Variants in ADGRV1 observed in about 807,000 individuals in gnomAD.
The protein encoded by ADGRV1 is adhesion G protein-coupled receptor V1, also known as G-protein coupled receptor 98.
Under a neutral mutation model 596.2 loss-of-function variants are expected in ADGRV1, and 359 were observed. That is an observed-to-expected ratio of 0.60 (90% CI 0.55 to 0.66). The LOEUF is 0.66. ADGRV1 is among the 30% of genes least tolerant of loss of function. The pLI is 0.00. For missense variants in ADGRV1, 7,274 were observed against 7,575.6 expected (o/e 0.96, Z 1.48); for synonymous variants, 2,681 against 2,679.2 (o/e 1.00, Z -0.02).
chr5:91,126,299 A>G (rs201424440), intron 87 of ADGRV1, among the ~76,000 whole-genome samples: 222 of 152,360 alleles, frequency 1.5e-3, no homozygotes, highest in African/African-American at 5.2e-3. Flanking sequence ...ACCGGTGTTA[A>G]CACCTCAACC....
intron 48 of ADGRV1, among the ~76,000 whole-genome samples, chr5:90,726,837 G>A (rs1051358556): frequency 6.6e-6 from 1 of 152,066 alleles, no homozygotes; most frequent in Non-Finnish European, 1.5e-5. Flanking sequence ...TTAAATATCA[G>A]CAATAGGCTA....
intron 85 of ADGRV1, among the ~76,000 whole-genome samples, chr5:90,997,992 T>G (rs965532150): frequency 2.0e-5 from 3 of 152,190 alleles, no homozygotes; most frequent in African/African-American, 7.2e-5. Context: ...ATGTAAACAA[T>G]CAGACAAGCC....
intron 59 of ADGRV1, among the ~76,000 whole-genome samples, chr5:90,771,574 G>A (rs748904733): frequency 2.0e-5 from 3 of 152,000 alleles, no homozygotes; most frequent in African/African-American, 4.8e-5. Flanking sequence ...TACATCATAG[G>A]ATAAAAATTA....
At chr5:90,743,162 A>T (rs1293117522) in intron 50 of ADGRV1, among the ~76,000 whole-genome samples, 1 of 152,200 alleles carries the variant, frequency 6.6e-6, no homozygotes, top group African/African-American at 2.4e-5. Context: ...AGATGTTGAG[A>T]TGCCCCTGAA....
chr5:90,904,412 T>C (rs961510148), intron 83 of ADGRV1, among the ~76,000 whole-genome samples: 4 of 152,080 alleles, frequency 2.6e-5, no homozygotes, highest in African/African-American at 9.7e-5. Context: ...CTCCACATCA[T>C]CATCAGCATT....
Position 91,164,190 on chromosome 5 carries a change from T to A in ADGRV1, c.*290T>A, listed in dbSNP as rs1797184259. On this transcript the variant is annotated 3_prime_UTR_variant, in exon 90 of 90. Transcript: ENST00000405460. ...TATGGCTAACATTGTTTAATGAAAG[T>A]AATAATCAATAAAGCAATAGAATCT... The A allele has an allele frequency of 2.4e-6, 1 of 419,818 alleles. No individual in the cohort carries two copies. The highest frequency in any genetic ancestry group is 4.5e-6 in the Non-Finnish European group (1 of 222,970). The allele number at this position is 419,818 out of a possible 1,614,324, so 26.0% of individuals were successfully genotyped here.
At chr5:90,602,006 A>G (rs906426307) in intron 1 of ADGRV1, among the ~76,000 whole-genome samples, 2 of 152,236 alleles carry the variant, frequency 1.3e-5, no homozygotes, top group Non-Finnish European at 2.9e-5. Flanking sequence ...GAACGTAGAC[A>G]CATGATTTCA....
At chr5:91,085,664 A>T (rs182847674) in intron 86 of ADGRV1, among the ~76,000 whole-genome samples, 1 of 152,164 alleles carries the variant, frequency 6.6e-6, no homozygotes, top group African/African-American at 2.4e-5. Context: ...TGTGCCTTTC[A>T]TCTGTTTTTC....
At chr5:90,765,533 G>A (rs142070686) in intron 59 of ADGRV1, among the ~76,000 whole-genome samples, 1,667 of 150,702 alleles carry the variant, frequency 0.011, 24 homozygotes, top group African/African-American at 0.038. Flanking sequence ...ATTGATATAC[G>A]TATTTTCAGA....
chr5:90,714,083 C>T (rs530736117), intron 42 of ADGRV1, among the ~76,000 whole-genome samples: 3 of 152,046 alleles, frequency 2.0e-5, no homozygotes, highest in African/African-American at 4.8e-5. Flanking sequence ...AGGACTCATC[C>T]GTTGCCTTCT....
intron 64 of ADGRV1, 130 bp downstream of exon 64, chr5:90,779,227 A>C (rs1382401549): frequency 8.9e-6 from 5 of 564,682 alleles, no homozygotes; most frequent in Non-Finnish European, 1.6e-5. Flanking sequence ...TTTGTGTGAC[A>C]TTAGAACAGG....
chr5:90,587,206 T>C (rs1758865598), intron 1 of ADGRV1, among the ~76,000 whole-genome samples: 1 of 152,218 alleles, frequency 6.6e-6, no homozygotes, highest in Admixed American at 6.5e-5. Context: ...AACGCTTTCA[T>C]GTTTCTCTTG....
chr5:90,915,289 G>T (rs1005245332), intron 83 of ADGRV1, among the ~76,000 whole-genome samples: 1 of 152,148 alleles, frequency 6.6e-6, no homozygotes, highest in Admixed American at 6.5e-5. Flanking sequence ...AGCAAGTAAA[G>T]AATTTAAAAT....
intron 85 of ADGRV1, among the ~76,000 whole-genome samples, chr5:91,022,711 T>A (rs1783740206): frequency 6.6e-6 from 1 of 152,112 alleles, no homozygotes; most frequent in Non-Finnish European, 1.5e-5. Context: ...TACCACTGCG[T>A]GCATTTGTGG....
At chr5:90,685,750 T>G in intron 28 of ADGRV1, 30 bp from the exon 29 acceptor site, 1 of 1,542,678 alleles carries the variant, frequency 6.5e-7, no homozygotes. Context: ...GATAGCTTTC[T>G]GTGTTCTGTG....
intron 87 of ADGRV1, among the ~76,000 whole-genome samples, chr5:91,125,822 G>A (rs1453422255): frequency 6.6e-6 from 1 of 152,186 alleles, no homozygotes; most frequent in Non-Finnish European, 1.5e-5. Context: ...TATATCAGAT[G>A]AAATGAACAC....
Position 90,679,588 on chromosome 5 carries a change from AT to A in ADGRV1, c.5484del (p.Asp1828GlufsTer17). 1 of 1,613,714 alleles carries A rather than the reference AT, an allele frequency of 6.2e-7. No homozygotes were observed. The highest frequency in any genetic ancestry group is 8.5e-7 in the Non-Finnish European group (1 of 1,179,746). ...AGGGTTGATGGAAGTGGTAGTGGTG[AT>A]GGGGACATGGAATTCTTCCTTCCAA... is the stretch of plus-strand genomic sequence containing the variant. ...LFRVDGSGSG[D>X]GDMEFFLPTI... is the part of the protein sequence containing the mutation. On this transcript the variant is annotated frameshift_variant, in exon 26 of 90. Transcript: ENST00000405460. LOFTEE classifies it high-confidence loss of function.
intron 83 of ADGRV1, among the ~76,000 whole-genome samples, chr5:90,913,606 C>A (rs1356178825): frequency 6.6e-6 from 1 of 151,878 alleles, no homozygotes. Context: ...TTCTTCGTTG[C>A]AGGAAATTTA....
chr5:90,821,071 G>T (rs1351228730), intron 75 of ADGRV1, among the ~76,000 whole-genome samples: 2 of 152,066 alleles, frequency 1.3e-5, no homozygotes, highest in Non-Finnish European at 1.5e-5. Context: ...CGTAGATTTG[G>T]TCTTTTCACA....
Sources: allele counts gnomAD v4.1 joint callset (sites outside exome capture counted in the v4.1 genomes callset), GRCh38; gene constraint gnomAD v4.1.1; transcripts MANE v1.5; gene names NCBI Gene and HGNC (gene_info 2026-07-23, HGNC 2026-07-21).